The following DYDC2 variants were observed in gnomAD, a reference collection of about 807,000 sequenced individuals.
DYDC2 encodes the protein DPY30 domain-containing protein 2.
A neutral mutation model predicts 18.7 loss-of-function variants in DYDC2; 19 were observed. That is an observed-to-expected ratio of 1.02 (90% confidence interval 0.71 to 1.49). DYDC2 has a LOEUF of 1.49. Ranked by LOEUF, DYDC2 falls within the 40% of genes most tolerant of loss-of-function variation. The probability of loss-of-function intolerance (pLI) is 0.00; values close to 1 mark genes in which losing one functional copy is unlikely to be tolerated. For synonymous variants in DYDC2, 63 were observed against 67.6 expected (o/e 0.93, Z 0.34); for missense variants, 179 against 205.1 (o/e 0.87, Z 0.78).
At chr10:80,352,140 A>G, upstream of DYDC2, 2 of 805,846 alleles carry the variant, frequency 2.5e-6, no homozygotes, top group South Asian at 1.8e-5. Flanking sequence ...AAATGATATA[A>G]TAATTTGGGA....
chr10:80,356,808 GA>G lies in DYDC2; in HGVS notation c.-178del. The stretch of plus-strand genomic sequence containing the variant: ...GAGCCAGTGTAGGCGCCGCAAAGCG[GA>G]AGGGGCGCGCGGATAGGTGAGCAGA... On this transcript the variant is annotated 5_prime_UTR_variant, in exon 1 of 5. Transcript: ENST00000256039. The G allele has an allele frequency of 6.1e-6, 6 of 985,692 alleles. No individual in the cohort carries two copies. The highest frequency in any genetic ancestry group is 7.2e-6 in the Non-Finnish European group (6 of 830,142). The allele number at this position is 985,692 out of a possible 1,614,324, so 61.1% of individuals were successfully genotyped here.
At chr10:80,359,343 A>T (rs1001352152) in intron 2 of DYDC2, among the ~76,000 whole-genome samples, 1 of 152,194 alleles carries the variant, frequency 6.6e-6, no homozygotes, top group Non-Finnish European at 1.5e-5. Context: ...CTTGAGCTAG[A>T]CACAGAATGC....
intron 4 of DYDC2, among the ~76,000 whole-genome samples, chr10:80,366,239 GC>G (rs1165361792): frequency 1.3e-5 from 2 of 151,818 alleles, no homozygotes; most frequent in African/African-American, 4.8e-5. Flanking sequence ...CAGCATGTTG[GC>G]CAGGCTGGTC....
At position 80,367,212 on chromosome 10, in the gene DYDC2, A is replaced by C; in HGVS notation, c.*261A>C. The C allele has an allele frequency of 2.6e-6, 1 of 383,096 alleles. No individual in the cohort carries two copies. The highest frequency in any genetic ancestry group is 4.6e-6 in the Non-Finnish European group (1 of 215,484). The allele number at this position is 383,096 out of a possible 1,614,324, so 23.7% of individuals were successfully genotyped here. On this transcript the variant is annotated 3_prime_UTR_variant, in exon 5 of 5. Transcript: ENST00000256039. ...TTATCAACGTTTTGGAGACTACACA[A>C]TGAAAACACATCTGTTGGGGTGATC... is the stretch of plus-strand genomic sequence containing the variant.
intron 1 of DYDC2, among the ~76,000 whole-genome samples, chr10:80,346,086 G>A (rs138773069): frequency 0.022 from 3,296 of 152,296 alleles, 50 homozygotes; most frequent in Non-Finnish European, 0.031. Context: ...GACCTCAAGT[G>A]ATCCTCAGGC....
At chr10:80,362,663 G>A in intron 3 of DYDC2, 73 bp downstream of exon 3, 1 of 1,526,036 alleles carries the variant, frequency 6.6e-7, no homozygotes, top group Admixed American at 2.1e-5. Flanking sequence ...ACACAAGGCA[G>A]GATTCTGGAG....
At chr10:80,351,551 A>G (rs1352616624) in intron 1 of DYDC2, among the ~76,000 whole-genome samples, 1 of 147,530 alleles carries the variant, frequency 6.8e-6, no homozygotes, top group African/African-American at 2.5e-5. Flanking sequence ...ACACTTTTCC[A>G]TTCAGCAATA....
upstream of DYDC2, among the ~76,000 whole-genome samples, chr10:80,355,737 C>T (rs1266845985): frequency 6.6e-6 from 1 of 152,094 alleles, no homozygotes; most frequent in Non-Finnish European, 1.5e-5. Flanking sequence ...GTATTAGCAA[C>T]AGCAGTGGGG....
chr10:80,346,368 C>T (rs778458295), intron 1 of DYDC2, among the ~76,000 whole-genome samples: 12 of 150,738 alleles, frequency 8.0e-5, no homozygotes, highest in Non-Finnish European at 1.8e-4. Flanking sequence ...ATGGCTGCGC[C>T]AATTTGTATT....
intron 1 of DYDC2, among the ~76,000 whole-genome samples, chr10:80,349,426 A>G (rs1842857596): frequency 6.6e-6 from 1 of 152,182 alleles, no homozygotes; most frequent in Non-Finnish European, 1.5e-5. Context: ...TAATATCATC[A>G]AATTTGCCTC....
At chr10:80,348,505 C>G (rs1335557413) in intron 1 of DYDC2, among the ~76,000 whole-genome samples, 1 of 152,204 alleles carries the variant, frequency 6.6e-6, no homozygotes, top group African/African-American at 2.4e-5. Flanking sequence ...ACGTCCAGTG[C>G]TGTCAAAACT....
At chr10:80,363,827 T>G (rs1564674779) in intron 4 of DYDC2, among the ~76,000 whole-genome samples, 1 of 152,246 alleles carries the variant, frequency 6.6e-6, no homozygotes, top group Non-Finnish European at 1.5e-5. Flanking sequence ...TTCTATTTAC[T>G]TTTCTGTGAA....
Position 80,366,689 on chromosome 10 carries a change from A to G in DYDC2, c.272A>G (p.Glu91Gly). 6.3e-7 allele frequency: 1 copy of G among 1,596,576 alleles called. No individual in the cohort carries two copies. The highest frequency in any genetic ancestry group is 1.1e-5 in the South Asian group (1 of 88,322). The stretch of plus-strand genomic sequence containing the variant: ...TCGGCTTTTTTGTTTTCTATTTAGG[A>G]ACTGACTTCTGAAACTGTTTCCACG... ...IQQNCEKCHK[E>G]LTSETVSTKK... The change falls in exon 5 of 5, where the codon GAA (glutamate) becomes GGA (glycine). Residue 91 changes from glutamate (E) to glycine (G), a missense_variant and splice_region_variant. Coordinates refer to ENST00000256039, the MANE Select transcript of DYDC2 (RefSeq NM_032372.6).
intron 2 of DYDC2, among the ~76,000 whole-genome samples, chr10:80,360,871 C>T (rs1191531146): frequency 6.6e-6 from 1 of 151,554 alleles, no homozygotes; most frequent in Admixed American, 6.6e-5. Context: ...GTGATCCTCC[C>T]ACCTCAGCCC....
At chr10:80,346,524 G>C (rs866542691) in intron 1 of DYDC2, among the ~76,000 whole-genome samples, 4 of 141,348 alleles carry the variant, frequency 2.8e-5, no homozygotes, top group African/African-American at 8.0e-5. Flanking sequence ...GCAGTGGCGC[G>C]ATCTCAGCTC....
intron 4 of DYDC2, 42 bp from the exon 5 acceptor site, chr10:80,366,646 G>T: frequency 6.4e-7 from 1 of 1,557,364 alleles, no homozygotes; most frequent in South Asian, 1.2e-5. Context: ...GTGTGCTTTA[G>T]TCTCTAATAA....
intron 1 of DYDC2, among the ~76,000 whole-genome samples, chr10:80,346,493 C>A (rs1842647675): frequency 1.8e-5 from 2 of 112,614 alleles, no homozygotes; most frequent in Non-Finnish European, 3.3e-5. Flanking sequence ...CGGAGTCTCA[C>A]TCTGTCACCC....
chr10:80,350,938 G>A (rs182270010), intron 1 of DYDC2, among the ~76,000 whole-genome samples: 6 of 152,248 alleles, frequency 3.9e-5, no homozygotes, highest in Admixed American at 3.9e-4. Flanking sequence ...TCAATTAAAA[G>A]GTCTGCCTGC....
chr10:80,356,578 C>A (rs1481278153), upstream of DYDC2: 6 of 985,410 alleles, frequency 6.1e-6, no homozygotes, highest in African/African-American at 1.7e-5. Flanking sequence ...AGGCGCGAAG[C>A]GGCCTCTCTC....
Sources: allele counts gnomAD v4.1 joint callset (sites outside exome capture counted in the v4.1 genomes callset), GRCh38; gene constraint gnomAD v4.1.1; transcripts MANE v1.5; gene names NCBI Gene and HGNC (gene_info 2026-07-23, HGNC 2026-07-21).